Variants in CASR observed in about 807,000 individuals in gnomAD.
CASR encodes calcium sensing receptor.
Under a neutral mutation model 69.1 loss-of-function variants are expected in CASR, and 23 were observed. The ratio of observed to expected loss-of-function variants is 0.33; its 90% CI spans 0.24 to 0.47. CASR has a LOEUF of 0.47. Among genes scored for constraint, CASR ranks in the 20% least tolerant of loss-of-function variants. The pLI is 1.00. For missense variants in CASR, 924 were observed against 1,356.1 expected (o/e 0.68, Z 5.00); for synonymous variants, 541 against 544.7 (o/e 0.99, Z 0.10).
rs1559959592 is a variant in CASR at position 122,262,110 on chromosome 3, C to T, written c.1075C>T (p.His359Tyr). 1.9e-6 allele frequency: 3 copies of T among 1,614,058 alleles called. No individual in the cohort carries two copies. Among genetic ancestry groups the T allele is most frequent in the Non-Finnish European group, 2.5e-6 (3 of 1,180,022 alleles). ...GTTTTGGGAAGAAACATTTAACTGC[C>T]ACCTCCAAGAAGGTGCAAAAGGACC... The part of the protein sequence containing the change: ...KEFWEETFNC[H>Y]LQEGAKGPLP... The change falls in exon 4 of 7, where the codon CAC becomes TAC. Residue 359 changes from histidine (H) to tyrosine (Y), a missense_variant. Coordinates refer to ENST00000639785, the MANE Select transcript of CASR (RefSeq NM_000388.4).
rs140634821 is a variant in CASR at position 122,245,640 on chromosome 3, A to T, written c.-242-8308A>T. Among the ~76,000 whole-genome samples the T allele has an allele frequency of 4.8e-3, 732 of 152,248 alleles. 5 individuals are homozygous for T. Among genetic ancestry groups the T allele is most frequent in the Non-Finnish European group, 8.1e-3 (549 of 67,994 alleles). ...CCTAGAACTTAAAGTATAATAATAA[A>T]AAAAAAAGAGGCACAAGAACAGGAT... is the stretch of plus-strand genomic sequence containing the variant. On this transcript the variant is annotated intron_variant, in intron 1 of 6. Transcript: ENST00000639785.
intron 4 of CASR, 51 bp from the exon 5 acceptor site, chr3:122,275,761 A>T: frequency 1.7e-6 from 2 of 1,174,298 alleles, no homozygotes; most frequent in Non-Finnish European, 2.6e-6. Flanking sequence ...CTACCTAATT[A>T]GTTCTATGTG....
intron 1 of CASR, among the ~76,000 whole-genome samples, chr3:122,237,939 C>T (rs886542366): frequency 6.6e-6 from 1 of 152,144 alleles, no homozygotes; most frequent in Non-Finnish European, 1.5e-5. Context: ...GGTATATATT[C>T]AACATACATT....
At chr3:122,257,751 C>A (rs752238961) in intron 3 of CASR, 1 of 182,644 alleles carries the variant, frequency 5.5e-6, no homozygotes, top group Non-Finnish European at 1.2e-5. Context: ...CCTCTCAAAT[C>A]CAAAATATCT....
chr3:122,218,680 C>T (rs565281632), intron 1 of CASR, among the ~76,000 whole-genome samples: 1 of 152,168 alleles, frequency 6.6e-6, no homozygotes, highest in Non-Finnish European at 1.5e-5. Flanking sequence ...GCCCCAGATG[C>T]TCTGCTAGGT....
intron 1 of CASR, among the ~76,000 whole-genome samples, chr3:122,207,585 A>G (rs569292412): frequency 7.3e-4 from 111 of 152,304 alleles, no homozygotes; most frequent in African/African-American, 2.5e-3. Flanking sequence ...GAGTCAATGA[A>G]GAAATTAAGA....
At chr3:122,215,853 C>T (rs2074112305) in intron 1 of CASR, among the ~76,000 whole-genome samples, 1 of 152,174 alleles carries the variant, frequency 6.6e-6, no homozygotes, top group African/African-American at 2.4e-5. Flanking sequence ...ACAAGACCTG[C>T]CCTCAGAGAG....
At chr3:122,240,467 C>A (rs1348405628) in intron 1 of CASR, among the ~76,000 whole-genome samples, 1 of 152,144 alleles carries the variant, frequency 6.6e-6, no homozygotes, top group Non-Finnish European at 1.5e-5. Context: ...ATAAAGGGAT[C>A]AATTCAGAAA....
At chr3:122,241,465 C>T (rs2074378793) in intron 1 of CASR, among the ~76,000 whole-genome samples, 1 of 151,926 alleles carries the variant, frequency 6.6e-6, no homozygotes. Flanking sequence ...ATACAACCTA[C>T]CAAGAGTGAA....
intron 1 of CASR, among the ~76,000 whole-genome samples, chr3:122,206,757 A>G (rs1455481990): frequency 1.3e-5 from 2 of 151,886 alleles, no homozygotes; most frequent in Non-Finnish European, 2.9e-5. Flanking sequence ...TCATTACTCA[A>G]TATTGGTTTA....
intron 1 of CASR, among the ~76,000 whole-genome samples, chr3:122,200,828 T>C (rs1053433487): frequency 6.6e-6 from 1 of 152,170 alleles, no homozygotes; most frequent in African/African-American, 2.4e-5. Context: ...ACTTGTTCAT[T>C]AGTGTAAGAG....
In CASR at chr3:122,275,889, G is replaced by A. The variant is rs2074812282; in HGVS notation, c.1455G>A (p.Leu485=). 1 of 1,614,118 alleles carries A rather than the reference G, an allele frequency of 6.2e-7. No individual in the cohort carries two copies. The highest frequency in any genetic ancestry group is 1.3e-5 in the African/African-American group (1 of 75,052). Residue 485 remains leucine, a synonymous_variant, in exon 5 of 7, where the codon CTG becomes CTA. Transcript: ENST00000639785. Reference sequence around the variant, plus strand: ...TGACCTTTGATGAGTGTGGTGACCTGGTGGGGAACTATTCCATCATCAACT... The same window carrying A: ...TGACCTTTGATGAGTGTGGTGACCTAGTGGGGAACTATTCCATCATCAACT... ...EQVTFDECGD[L]VGNYSIINWH...
chr3:122,282,355 A>T, intron 6 of CASR, 119 bp downstream of exon 6: 1 of 988,870 alleles, frequency 1.0e-6, no homozygotes, highest in Non-Finnish European at 1.6e-6. Flanking sequence ...TCATTTAACA[A>T]AGGTATATCT....
chr3:122,223,697 C>G (rs1190993376), intron 1 of CASR, among the ~76,000 whole-genome samples: 1 of 152,084 alleles, frequency 6.6e-6, no homozygotes, highest in Non-Finnish European at 1.5e-5. Context: ...TCTATGAACC[C>G]AGCATCATTC....
chr3:122,241,148 C>A (rs1166836820), intron 1 of CASR, among the ~76,000 whole-genome samples: 1 of 151,516 alleles, frequency 6.6e-6, no homozygotes, highest in Non-Finnish European at 1.5e-5. Flanking sequence ...GCAAACCAAA[C>A]TCAAAATTAG....
In CASR at chr3:122,273,726, G is replaced by A. The variant is rs78304369; in HGVS notation, c.1378-2086G>A. ...GATTACAGCATGGAGAAGGATGATG[G>A]CCATGTCAGAAAGGCCCCCAAACTG... On this transcript the variant is annotated intron_variant, in intron 4 of 6. Coordinates refer to ENST00000639785, the MANE Select transcript of CASR (RefSeq NM_000388.4). 4.4e-3 allele frequency among the ~76,000 whole-genome samples: 671 copies of A among 152,312 alleles called. 6 individuals carry two copies. The highest frequency in any genetic ancestry group is 7.0e-3 in the Non-Finnish European group (473 of 68,020).
intron 1 of CASR, among the ~76,000 whole-genome samples, chr3:122,202,387 C>T (rs906916268): frequency 1.2e-4 from 14 of 119,426 alleles, no homozygotes; most frequent in South Asian, 2.7e-4. Context: ...AGCTTCGGCT[C>T]AGCATCAGAG....
intron 4 of CASR, among the ~76,000 whole-genome samples, chr3:122,266,634 G>A (rs934222213): frequency 2.6e-5 from 4 of 151,670 alleles, no homozygotes; most frequent in Non-Finnish European, 5.9e-5. Context: ...TAAATAATTT[G>A]GAAGCATATA....
At chr3:122,259,731 G>T (rs920958541) in intron 3 of CASR, among the ~76,000 whole-genome samples, 6 of 147,260 alleles carry the variant, frequency 4.1e-5, no homozygotes, top group Non-Finnish European at 7.4e-5. Flanking sequence ...CCGGGTTCAC[G>T]CCATTCTCCT....
Sources: gnomAD v4.1 joint callset for allele counts (sites outside exome capture counted in the v4.1 genomes callset) on GRCh38, gnomAD v4.1.1 for gene constraint, MANE v1.5 for transcripts, NCBI Gene and HGNC (gene_info 2026-07-23, HGNC 2026-07-21) for gene names.